Variants in MEX3C observed in about 807,000 individuals in gnomAD.
The protein encoded by MEX3C is RNA-binding E3 ubiquitin-protein ligase MEX3C.
In MEX3C, 15 loss-of-function variants were observed where a neutral mutation model predicts 35.5. That is an observed-to-expected ratio of 0.42 (90% CI 0.28 to 0.65). MEX3C has a LOEUF of 0.65. Among genes scored for constraint, MEX3C ranks in the 30% least tolerant of loss-of-function variants. The probability of loss-of-function intolerance (pLI) is 0.20; values close to 1 mark genes in which losing one functional copy is unlikely to be tolerated. For synonymous variants in MEX3C, 390 were observed against 352.8 expected, an observed-to-expected ratio of 1.11 and a Z score of -1.18; for missense variants, 711 against 842.8, an observed-to-expected ratio of 0.84 and a Z score of 1.94.
Position 51,177,708 on chromosome 18 carries a change from G to A in MEX3C, c.755-132C>T. 9.6e-7 allele frequency: 1 copy of A among 1,045,834 alleles called. No individual in the cohort carries two copies. Among genetic ancestry groups the A allele is most frequent in the Non-Finnish European group, 1.3e-6 (1 of 748,410 alleles). 64.8% of individuals were successfully genotyped at this position (1,045,834 alleles called of 1,614,324 possible). On this transcript the variant is annotated intron_variant, in intron 1 of 1. Transcript: ENST00000406189. This position sits in a 1 kb window ranked among gnomAD's most constrained non-coding sequence, Gnocchi z 4.2. ...AGTTTTAGAGTTTTTCACATAGCTA[G>A]GAAGTGGCAGAGCCAGAAGTAAACC...
intron 1 of MEX3C, chr18:51,195,582 G>A (rs1209571603): frequency 2.0e-5 from 3 of 152,178 alleles, no homozygotes; most frequent in African/African-American, 4.8e-5. Flanking sequence ...AAAGAGGCAT[G>A]CAACAACCAG....
chr18:51,177,363 A>G lies in MEX3C; in HGVS notation c.968T>C (p.Leu323Pro), dbSNP rs1240719498. The G allele has an allele frequency of 6.2e-7, 1 of 1,613,960 alleles. No homozygotes were observed. The highest frequency in any genetic ancestry group is 2.2e-5 in the East Asian group (1 of 44,868). The change falls in exon 2 of 2, where the codon CTG becomes CCG. Residue 323 changes from leucine to proline, a missense_variant. Physicochemically the swap from Leu to Pro is moderately conservative, Grantham distance 98 (BLOSUM62 -3). Around this residue, in one of 4 missense-constraint regions of MEX3C, gnomAD observed 83 missense variants for 179.1 expected, o/e 0.46. Coordinates refer to ENST00000406189, the MANE Select transcript of MEX3C (RefSeq NM_016626.5). This position sits in a 1 kb window ranked among gnomAD's most constrained non-coding sequence, Gnocchi z 4.2. ...ALGGLSCSPN[L>P]PGQTTVQVRV... ...GACTTGGACGGTGGTTTGACCGGGC[A>G]GATTAGGACTACATGATAATCCTCC... is the stretch of plus-strand genomic sequence containing the variant.
In MEX3C at chr18:51,177,704, G is replaced by T; in HGVS notation, c.755-128C>A. The T allele has an allele frequency of 9.2e-7, 1 of 1,086,388 alleles. No homozygotes were observed. Among genetic ancestry groups the T allele is most frequent in the Non-Finnish European group, 1.3e-6 (1 of 784,132 alleles). The allele number at this position is 1,086,388 out of a possible 1,614,324, so 67.3% of individuals were successfully genotyped here. A position where few individuals can be genotyped will look rare whatever the true frequency, so the allele number is the denominator to read the frequency against. On this transcript the variant is annotated intron_variant, in intron 1 of 1. Transcript: ENST00000406189. The surrounding 1 kb of genome is among the most constrained non-coding windows in gnomAD (Gnocchi z 4.2). Reference sequence around the variant, plus strand: ...GTTAAGTTTTAGAGTTTTTCACATAGCTAGGAAGTGGCAGAGCCAGAAGTA... The same window carrying T: ...GTTAAGTTTTAGAGTTTTTCACATATCTAGGAAGTGGCAGAGCCAGAAGTA...
Position 51,176,881 on chromosome 18 carries a change from G to A in MEX3C, c.1450C>T (p.Leu484=). The change falls in exon 2 of 2, where the codon CTA becomes TTA. Residue 484 remains leucine, a synonymous_variant. Transcript: ENST00000406189. ...STGNFWFGDT[L]PSVGSEDLAV... is the part of the protein sequence containing the mutation. ...AGGTCTTCTGAGCCTACAGATGGTA[G>A]TGTATCTCCAAACCAGAAGTTTCCT... 1.2e-6 allele frequency: 2 copies of A among 1,614,050 alleles called. No homozygotes were observed. The highest frequency in any genetic ancestry group is 1.6e-4 in the Middle Eastern group (1 of 6,062).
chr18:51,193,870 C>T (rs1912712911), intron 1 of MEX3C: 1 of 152,164 alleles, frequency 6.6e-6, no homozygotes, highest in Non-Finnish European at 1.5e-5. Flanking sequence ...ACTCAGAATT[C>T]CATTTGTCCT....
rs1404467860 is a variant in MEX3C, at chr18:51,176,784, A to G, written c.1547T>C (p.Val516Ala). The change falls in exon 2 of 2, where the codon GTT (valine) becomes GCT (alanine). Residue 516 changes from valine to alanine, a missense_variant. Coordinates refer to ENST00000406189, the MANE Select transcript of MEX3C (RefSeq NM_016626.5). Reference protein sequence around the residue: ...AQTIWTPFEPVNPLSGFGSDP... With the variant: ...AQTIWTPFEPANPLSGFGSDP... ...ACTCCCAAAGCCAGAGAGTGGGTTA[A>G]CTGGTTCAAATGGAGTCCAGATAGT... 1.2e-6 allele frequency: 2 copies of G among 1,614,016 alleles called. No individual in the cohort carries two copies. Among genetic ancestry groups the G allele is most frequent in the Admixed American group, 3.3e-5 (2 of 60,022 alleles).
chr18:51,177,371 A>G lies in MEX3C; in HGVS notation c.960T>C (p.Ser320=), dbSNP rs1479154509. 5 of 1,613,852 alleles carry G rather than the reference A, an allele frequency of 3.1e-6. No homozygotes were observed. Among genetic ancestry groups the G allele is most frequent in the Non-Finnish European group, 3.4e-6 (4 of 1,179,894 alleles). ...CGGTGGTTTGACCGGGCAGATTAGG[A>G]CTACATGATAATCCTCCCAGGGCAG... The part of the protein sequence containing the change: ...NGPALGGLSC[S]PNLPGQTTVQ... Residue 320 remains serine, a synonymous_variant, in exon 2 of 2, where the codon AGT becomes AGC. Coordinates refer to ENST00000406189, the MANE Select transcript of MEX3C (RefSeq NM_016626.5). This position sits in a 1 kb window ranked among gnomAD's most constrained non-coding sequence, Gnocchi z 4.2.
At chr18:51,192,930 A>C (rs1042880089) in intron 1 of MEX3C, 2 of 152,154 alleles carry the variant, frequency 1.3e-5, no homozygotes, top group East Asian at 3.8e-4. Flanking sequence ...GAAACTATTT[A>C]TTCTCATGAA....
At chr18:51,190,765 A>G (rs1435104003) in intron 1 of MEX3C, among the ~76,000 whole-genome samples, 1 of 152,200 alleles carries the variant, frequency 6.6e-6, no homozygotes, top group South Asian at 2.1e-4. Flanking sequence ...TCAATTTAGT[A>G]TATCTGGGTT....
At chr18:51,178,146 T>C (rs541565809) in intron 1 of MEX3C, among the ~76,000 whole-genome samples, 6 of 152,170 alleles carry the variant, frequency 3.9e-5, no homozygotes, top group South Asian at 2.1e-4. Context: ...AAAAGTAATA[T>C]AGAATGATTT....
At chr18:51,178,824 C>T (rs1208120309) in intron 1 of MEX3C, among the ~76,000 whole-genome samples, 1 of 150,086 alleles carries the variant, frequency 6.7e-6, no homozygotes, top group Non-Finnish European at 1.5e-5. Context: ...TGTCCCACTG[C>T]ACTCCAGCCT....
At chr18:51,190,799 T>C (rs1247559483) in intron 1 of MEX3C, among the ~76,000 whole-genome samples, 1 of 152,218 alleles carries the variant, frequency 6.6e-6, no homozygotes, top group Non-Finnish European at 1.5e-5. Flanking sequence ...ATTAGAAAAT[T>C]ATTTTCAAGG....
At chr18:51,196,367 G>T in intron 1 of MEX3C, 200 bp downstream of exon 1, 1 of 1,236,964 alleles carries the variant, frequency 8.1e-7, no homozygotes, top group Non-Finnish European at 1.1e-6. Context: ...TTTTTACCAG[G>T]CAAGACGGGC....
Position 51,176,382 on chromosome 18 carries a change from G to C in MEX3C, c.1949C>G (p.Ala650Gly). The C allele has an allele frequency of 6.2e-7, 1 of 1,613,904 alleles. No individual in the cohort carries two copies. The highest frequency in any genetic ancestry group is 8.5e-7 in the Non-Finnish European group (1 of 1,179,838). ...RTPSCPVCQT[A>G]VTQAIQIHS ...GTGAATTTGGATTGCCTGAGTAACA[G>C]CTGTCTGGCAAACTGGACATGATGG... The change falls in exon 2 of 2, where the codon GCT becomes GGT. Residue 650 changes from alanine (A) to glycine (G), a missense_variant. Around this residue, in one of 4 missense-constraint regions of MEX3C, gnomAD observed 87 missense variants for 150.4 expected, o/e 0.58. Coordinates refer to ENST00000406189, the MANE Select transcript of MEX3C (RefSeq NM_016626.5).
chr18:51,194,098 C>T (rs1912720802), intron 1 of MEX3C: 1 of 152,220 alleles, frequency 6.6e-6, no homozygotes, highest in African/African-American at 2.4e-5. Context: ...GACAGATTCT[C>T]TCCCGTGGGG....
At position 51,177,129 on chromosome 18, in the gene MEX3C, A is replaced by G. The variant is rs779784460; in HGVS notation, c.1202T>C (p.Leu401Pro). The change falls in exon 2 of 2, where the codon CTC becomes CCC. Residue 401 changes from leucine (L) to proline (P), a missense_variant. By Grantham distance (98) the Leu-to-Pro change is moderately conservative. Around this residue, in one of 4 missense-constraint regions of MEX3C, gnomAD observed 187 missense variants for 201.7 expected, o/e 0.93. Coordinates refer to ENST00000406189, the MANE Select transcript of MEX3C (RefSeq NM_016626.5). This position sits in a 1 kb window ranked among gnomAD's most constrained non-coding sequence, Gnocchi z 4.2. Reference sequence around the variant, plus strand: ...GTAATGGAAATCATTCTCTTCATTGAGCTCTATATAGTTTCCTGTACGCAT... The same window carrying G: ...GTAATGGAAATCATTCTCTTCATTGGGCTCTATATAGTTTCCTGTACGCAT... ...IAMRTGNYIE[L>P]NEENDFHYNG... The G allele has an allele frequency of 1.9e-6, 3 of 1,613,880 alleles. No individual in the cohort carries two copies. The highest frequency in any genetic ancestry group is 2.5e-6 in the Non-Finnish European group (3 of 1,179,890).
At chr18:51,192,441 T>C (rs1209717526) in intron 1 of MEX3C, among the ~76,000 whole-genome samples, 1 of 152,224 alleles carries the variant, frequency 6.6e-6, no homozygotes, top group Non-Finnish European at 1.5e-5. Context: ...TGTCTATATA[T>C]ATACGCAAAT....
chr18:51,196,747 C>T lies in MEX3C; in HGVS notation c.574G>A (p.Asp192Asn). ...ATCGCCGCCATCATGCCCTGGGCAT[C>T]GTCCCCTCCGTACAGCACCCCCGCC... ...AAAGVLYGGD[D>N]AQGMMAAMLS... The change falls in exon 1 of 2, where the codon GAT becomes AAT. Residue 192 changes from aspartate to asparagine, a missense_variant. By Grantham distance (23) the Asp-to-Asn change is conservative. Around this residue, in one of 4 missense-constraint regions of MEX3C, gnomAD observed 354 missense variants for 311.6 expected, o/e 1.14. Transcript: ENST00000406189. The T allele has an allele frequency of 6.6e-7, 1 of 1,518,350 alleles. No individual in the cohort carries two copies. Among genetic ancestry groups the T allele is most frequent in the East Asian group, 2.5e-5 (1 of 40,414 alleles). The allele number at this position is 1,518,350 out of a possible 1,614,324, so 94.1% of individuals were successfully genotyped here.
chr18:51,196,406 C>T lies in MEX3C; in HGVS notation c.754+161G>A, dbSNP rs554978820. ...AAAGCGTGGGTTTTCGCAAGGTGAC[C>T]CATCTTCACATCTGGTCGACCCTCG... On this transcript the variant is annotated intron_variant, in intron 1 of 1. Transcript: ENST00000406189. 24 of 1,394,842 alleles carry T rather than the reference C, an allele frequency of 1.7e-5. No homozygotes were observed. In the South Asian group the frequency reaches 2.7e-4, roughly 16 times the overall value. 86.4% of individuals were successfully genotyped at this position (1,394,842 alleles called of 1,614,324 possible).
Sources: allele counts gnomAD v4.1 joint callset (sites outside exome capture counted in the v4.1 genomes callset), GRCh38; gene constraint gnomAD v4.1.1; regional missense constraint gnomAD v4.1.1; non-coding constraint Gnocchi (gnomAD v3.1); transcripts MANE v1.5; gene names NCBI Gene and HGNC (gene_info 2026-07-23, HGNC 2026-07-21).